Variants in ADAMTS19 observed in about 807,000 individuals in gnomAD.
The protein encoded by ADAMTS19 is A disintegrin and metalloproteinase with thrombospondin motifs 19.
Under a neutral mutation model 153.3 loss-of-function variants are expected in ADAMTS19, and 93 were observed. That is an observed-to-expected ratio of 0.61 (90% CI 0.51 to 0.72). The LOEUF (loss-of-function observed/expected upper bound fraction) is 0.72, where lower values mean the gene tolerates loss of function less well. ADAMTS19 is among the 30% of genes least tolerant of loss of function. The probability of loss-of-function intolerance (pLI) is 0.00; values close to 1 mark genes in which losing one functional copy is unlikely to be tolerated. For synonymous variants in ADAMTS19, 600 were observed against 556.6 expected (o/e 1.08, Z -1.10); for missense variants, 1,482 against 1,552.1 (o/e 0.95, Z 0.76).
At chr5:129,618,936 T>C (rs1420292881) in intron 8 of ADAMTS19, among the ~76,000 whole-genome samples, 1 of 152,022 alleles carries the variant, frequency 6.6e-6, no homozygotes, top group Non-Finnish European at 1.5e-5. Flanking sequence ...TGATTCAACA[T>C]TGGTTACAGA....
At chr5:129,489,651 A>T (rs10057019) in intron 2 of ADAMTS19, among the ~76,000 whole-genome samples, 58,782 of 151,954 alleles carry the variant, frequency 0.39, 13,815 homozygotes, top group African/African-American at 0.66. Flanking sequence ...AAAGACTTAG[A>T]CATTAATGTG....
At chr5:129,506,194 C>T (rs73242257) in intron 2 of ADAMTS19, among the ~76,000 whole-genome samples, 1 of 152,066 alleles carries the variant, frequency 6.6e-6, no homozygotes, top group Non-Finnish European at 1.5e-5. Context: ...TTAATATGAG[C>T]CAGTATCTTG....
chr5:129,580,707 T>C (rs931943820), intron 7 of ADAMTS19, among the ~76,000 whole-genome samples: 2 of 152,218 alleles, frequency 1.3e-5, no homozygotes, highest in African/African-American at 4.8e-5. Flanking sequence ...ATTTTTGTCA[T>C]TGGTTCTGTT....
intron 7 of ADAMTS19, among the ~76,000 whole-genome samples, chr5:129,596,039 A>G (rs971030696): frequency 6.6e-6 from 1 of 152,010 alleles, no homozygotes; most frequent in African/African-American, 2.4e-5. Flanking sequence ...TATTTTAAAT[A>G]TGATAGATAG....
Position 129,461,545 on chromosome 5 carries a change from T to C in ADAMTS19, c.535T>C (p.Ser179Pro). 6.5e-7 allele frequency: 1 copy of C among 1,535,856 alleles called. No homozygotes were observed. The change falls in exon 2 of 23, where the codon TCT becomes CCT. Residue 179 changes from serine (S) to proline (P), a missense_variant. Ser to Pro is a moderately conservative substitution (Grantham distance 74). Around this residue, in one of 2 missense-constraint regions of ADAMTS19, gnomAD observed 866 missense variants for 827.7 expected, o/e 1.05. Coordinates refer to ENST00000274487, the MANE Select transcript of ADAMTS19 (RefSeq NM_133638.6). The surrounding 1 kb of genome is among the most constrained non-coding windows in gnomAD (Gnocchi z 4.6). ...DEVLLRIPAF[S>P]RDLYLLLRRD... Reference sequence around the variant, plus strand: ...AGTGTTGCTGCGGATCCCGGCCTTCTCTCGGGACCTGTACCTGCTGCTCCG... The same window carrying C: ...AGTGTTGCTGCGGATCCCGGCCTTCCCTCGGGACCTGTACCTGCTGCTCCG...
At chr5:129,564,519 T>A in intron 7 of ADAMTS19, among the ~76,000 whole-genome samples, 1 of 152,090 alleles carries the variant, frequency 6.6e-6, no homozygotes, top group East Asian at 1.9e-4. Flanking sequence ...TGTTAAGAAA[T>A]AAAAGTTAAG....
intron 7 of ADAMTS19, among the ~76,000 whole-genome samples, chr5:129,570,871 T>A (rs1292014044): frequency 2.0e-5 from 3 of 151,858 alleles, no homozygotes; most frequent in Non-Finnish European, 4.4e-5. Flanking sequence ...TCACCATCTA[T>A]TCATGGTTTA....
intron 21 of ADAMTS19, among the ~76,000 whole-genome samples, chr5:129,733,281 G>T (rs1168522279): frequency 2.0e-5 from 3 of 151,912 alleles, no homozygotes; most frequent in Admixed American, 6.6e-5. Context: ...AAAAACAAAT[G>T]CAACAAAAAC....
chr5:129,709,993 G>A (rs866879528), intron 21 of ADAMTS19, among the ~76,000 whole-genome samples: 7 of 150,758 alleles, frequency 4.6e-5, no homozygotes, highest in East Asian at 1.9e-4. Flanking sequence ...TTTAAGTTCC[G>A]GGATACATGT....
At chr5:129,720,175 T>TATATATATATATATATATATATATA in intron 21 of ADAMTS19, among the ~76,000 whole-genome samples, 1 of 116,528 alleles carries the variant, frequency 8.6e-6, no homozygotes, top group African/African-American at 5.4e-5. Context: ...TATATATTTA[T>TATATATATATATATATATATATATA]TTTTTTTTTT....
chr5:129,650,508 C>T (rs1428806069), intron 13 of ADAMTS19, among the ~76,000 whole-genome samples: 1 of 152,112 alleles, frequency 6.6e-6, no homozygotes, highest in African/African-American at 2.4e-5. Context: ...ATAGCAGCCA[C>T]CAGATTACCT....
chr5:129,734,863 C>T (rs913054586), intron 21 of ADAMTS19, 69 bp from the exon 22 acceptor site: 19 of 1,337,146 alleles, frequency 1.4e-5, no homozygotes, highest in East Asian at 5.1e-5. Flanking sequence ...TGTTCCCACA[C>T]CCTAGAAAAT....
At chr5:129,466,916 A>G (rs1209019134) in intron 2 of ADAMTS19, among the ~76,000 whole-genome samples, 21 of 152,208 alleles carry the variant, frequency 1.4e-4, no homozygotes. Context: ...AAGACATGGA[A>G]AGCAGTTTAT....
intron 10 of ADAMTS19, 91 bp downstream of exon 10, chr5:129,622,439 A>G: frequency 7.1e-7 from 1 of 1,414,556 alleles, no homozygotes; most frequent in Non-Finnish European, 9.6e-7. Flanking sequence ...GGGTTTGTGG[A>G]TCAAAAGCAC....
chr5:129,714,425 C>CAA (rs397949658), intron 21 of ADAMTS19, among the ~76,000 whole-genome samples: 1,246 of 97,614 alleles, frequency 0.013, 31 homozygotes, highest in East Asian at 0.034. Context: ...GACTCCGTCT[C>CAA]AAAAAAAAAA....
intron 7 of ADAMTS19, among the ~76,000 whole-genome samples, chr5:129,585,027 CA>C (rs1749710806): frequency 6.6e-6 from 1 of 152,186 alleles, no homozygotes; most frequent in South Asian, 2.1e-4. Context: ...CCTGGTGGTG[CA>C]GGCACCTGTG....
At chr5:129,574,269 A>C (rs1754018089) in intron 7 of ADAMTS19, among the ~76,000 whole-genome samples, 1 of 152,102 alleles carries the variant, frequency 6.6e-6, no homozygotes. Context: ...AGAAAAGACA[A>C]CTAACTTTTT....
chr5:129,640,391 G>A (rs25824), intron 10 of ADAMTS19, among the ~76,000 whole-genome samples: 72,405 of 151,954 alleles, frequency 0.48, 19,896 homozygotes, highest in African/African-American at 0.76. Flanking sequence ...TTGAAAGAAT[G>A]TATGTTTCAA....
At chr5:129,690,277 C>T (rs1291100561) in intron 18 of ADAMTS19, among the ~76,000 whole-genome samples, 1 of 152,186 alleles carries the variant, frequency 6.6e-6, no homozygotes, top group African/African-American at 2.4e-5. Flanking sequence ...AAGGCACCCA[C>T]GTGCCAGGTG....
Sources: allele counts gnomAD v4.1 joint callset (sites outside exome capture counted in the v4.1 genomes callset), GRCh38; gene constraint gnomAD v4.1.1; regional missense constraint gnomAD v4.1.1; non-coding constraint Gnocchi (gnomAD v3.1); transcripts MANE v1.5; gene names NCBI Gene and HGNC (gene_info 2026-07-23, HGNC 2026-07-21).